Variants in PDE8B observed in about 807,000 individuals in gnomAD.
PDE8B encodes high affinity cAMP-specific and IBMX-insensitive 3',5'-cyclic phosphodiesterase 8B.
A neutral mutation model predicts 101.3 loss-of-function variants in PDE8B; 26 were observed. The ratio of observed to expected loss-of-function variants is 0.26; its 90% CI spans 0.19 to 0.36. The LOEUF is 0.36. PDE8B is among the 10% of genes least tolerant of loss of function. The probability of loss-of-function intolerance (pLI) is 1.00; values close to 1 mark genes in which losing one functional copy is unlikely to be tolerated. For missense variants in PDE8B, 810 were observed against 1,163.1 expected (o/e 0.70, Z 4.42); for synonymous variants, 424 against 429.3 (o/e 0.99, Z 0.15).
intron 10 of PDE8B, among the ~76,000 whole-genome samples, chr5:77,392,026 GA>G (rs1790051106): frequency 6.6e-6 from 1 of 152,132 alleles, no homozygotes; most frequent in African/African-American, 2.4e-5. Flanking sequence ...TGAAACATGG[GA>G]AATAAAAATG....
chr5:77,152,744 C>T, the PDE8B span, among the ~76,000 whole-genome samples: 1 of 152,136 alleles, frequency 6.6e-6, no homozygotes, highest in Admixed American at 6.5e-5. Context: ...AGAGGCTGAG[C>T]CTGCCCACCC....
chr5:77,130,321 T>G, the PDE8B span, among the ~76,000 whole-genome samples: 1 of 152,124 alleles, frequency 6.6e-6, no homozygotes, highest in East Asian at 1.9e-4. Flanking sequence ...ATTATAAGGT[T>G]AGATTAGAAA....
chr5:77,338,268 T>C (rs1347654317), intron 6 of PDE8B, among the ~76,000 whole-genome samples: 1 of 152,222 alleles, frequency 6.6e-6, no homozygotes, highest in African/African-American at 2.4e-5. Context: ...AAAATCCTTT[T>C]CAAACTTAAT....
intron 1 of PDE8B, among the ~76,000 whole-genome samples, chr5:77,262,859 C>G (rs926439222): frequency 1.3e-5 from 2 of 152,238 alleles, no homozygotes; most frequent in Admixed American, 6.5e-5. Flanking sequence ...GGAGCCTGCT[C>G]TTTCCACTTA....
chr5:77,203,660 T>A, the PDE8B span, among the ~76,000 whole-genome samples: 1 of 152,210 alleles, frequency 6.6e-6, no homozygotes, highest in Non-Finnish European at 1.5e-5. Flanking sequence ...TAAATCCCTA[T>A]ATAACCTTCA....
chr5:77,145,922 TC>T, the PDE8B span: 1 of 152,218 alleles, frequency 6.6e-6, no homozygotes, highest in South Asian at 2.1e-4. Context: ...GGTGAATTAT[TC>T]CCAGCCCTTG....
At chr5:77,332,433 G>T (rs549337701) in intron 5 of PDE8B, among the ~76,000 whole-genome samples, 1 of 152,088 alleles carries the variant, frequency 6.6e-6, no homozygotes, top group Non-Finnish European at 1.5e-5. Context: ...TAAACATCAT[G>T]AATAACACTG....
chr5:77,166,948 A>G, the PDE8B span: 2 of 152,182 alleles, frequency 1.3e-5, no homozygotes, highest in African/African-American at 2.4e-5. Flanking sequence ...ATCCTTCCCT[A>G]TCCGGACCGG....
At chr5:77,175,412 G>A in the PDE8B span, among the ~76,000 whole-genome samples, 12 of 152,318 alleles carry the variant, frequency 7.9e-5, no homozygotes, top group African/African-American at 2.9e-4. Context: ...TTTTGCATTT[G>A]CAATTCCCTT....
At chr5:77,152,766 C>T in the PDE8B span, among the ~76,000 whole-genome samples, 14 of 152,122 alleles carry the variant, frequency 9.2e-5, no homozygotes, top group African/African-American at 2.9e-4. Flanking sequence ...ACCCTGCCCT[C>T]GCCCTCACCC....
Position 77,213,729 on chromosome 5 carries a change from T to A in PDE8B, c.339+2465T>A, listed in dbSNP as rs114624777. On this transcript the variant is annotated intron_variant, in intron 1 of 21. Coordinates refer to ENST00000264917, the MANE Select transcript of PDE8B (RefSeq NM_003719.5). ...GTTTCCACCCCCTCCCCCTGGCCAT[T>A]TTACATCAATTATGAAGTGTATCCT... 6.2e-3 allele frequency among the ~76,000 whole-genome samples: 947 copies of A among 152,154 alleles called. 11 individuals are homozygous for A. Among genetic ancestry groups the A allele is most frequent in the African/African-American group, 0.022 (894 of 41,508 alleles).
rs192543419 is a variant in PDE8B at position 77,332,033 on chromosome 5, A to G, written c.708+574A>G. ...AAGGAAACTCACTAACAAACTAAATAACCAAGCTCACCCAGCATCTCAGGG... is the reference window on the plus strand; with the variant it reads ...AAGGAAACTCACTAACAAACTAAATGACCAAGCTCACCCAGCATCTCAGGG... On this transcript the variant is annotated intron_variant, in intron 5 of 21. Coordinates refer to ENST00000264917, the MANE Select transcript of PDE8B (RefSeq NM_003719.5). 1.9e-3 allele frequency among the ~76,000 whole-genome samples: 287 copies of G among 152,300 alleles called. 4 individuals carry two copies. Among genetic ancestry groups the G allele is most frequent in the Admixed American group, 0.015 (233 of 15,302 alleles).
intron 16 of PDE8B, among the ~76,000 whole-genome samples, chr5:77,412,585 C>T (rs1215779647): frequency 6.6e-6 from 1 of 150,870 alleles, no homozygotes; most frequent in Admixed American, 6.6e-5. Context: ...ATCCTGTAGG[C>T]AGAGGAAAGA....
intron 10 of PDE8B, among the ~76,000 whole-genome samples, chr5:77,370,750 T>G (rs1784942129): frequency 6.6e-6 from 1 of 152,200 alleles, no homozygotes; most frequent in African/African-American, 2.4e-5. Context: ...CCCAAAGTAG[T>G]TTTTAGCATT....
chr5:77,103,697 T>A, the PDE8B span, among the ~76,000 whole-genome samples: 10 of 152,046 alleles, frequency 6.6e-5, no homozygotes, highest in Non-Finnish European at 1.3e-4. Flanking sequence ...GAGGGAAGGA[T>A]GGGCATGAGC....
chr5:77,249,193 T>A (rs1311184091), intron 1 of PDE8B, among the ~76,000 whole-genome samples: 1 of 152,234 alleles, frequency 6.6e-6, no homozygotes, highest in Non-Finnish European at 1.5e-5. Flanking sequence ...CACTAGTAGT[T>A]AATGAATTCT....
chr5:77,225,872 ACACACACACCC>A (rs759441285), intron 1 of PDE8B, among the ~76,000 whole-genome samples: 1 of 144,162 alleles, frequency 6.9e-6, no homozygotes, highest in Admixed American at 7.2e-5. Flanking sequence ...ACACACACAC[ACACACACACCC>A]CACGCACACA....
chr5:77,326,445 T>C (rs902417412), intron 3 of PDE8B, among the ~76,000 whole-genome samples: 1 of 152,182 alleles, frequency 6.6e-6, no homozygotes, highest in African/African-American at 2.4e-5. Context: ...TGAATGTTAG[T>C]AAGTGAAATA....
intron 2 of PDE8B, among the ~76,000 whole-genome samples, chr5:77,317,155 T>C (rs1172554615): frequency 6.6e-6 from 1 of 152,214 alleles, no homozygotes; most frequent in Non-Finnish European, 1.5e-5. Flanking sequence ...TTATTGTCTA[T>C]AACACACTAA....
Sources: allele counts gnomAD v4.1 joint callset (sites outside exome capture counted in the v4.1 genomes callset), GRCh38; gene constraint gnomAD v4.1.1; transcripts MANE v1.5; gene names NCBI Gene and HGNC (gene_info 2026-07-23, HGNC 2026-07-21).